KCTD3: variants seen among roughly 807,000 people sequenced by gnomAD.
KCTD3 encodes potassium channel tetramerization domain containing 3.
In KCTD3, 41 loss-of-function variants were observed where a neutral mutation model predicts 85.8. The observed-to-expected ratio is 0.48, with a 90% confidence interval of 0.37 to 0.62. The LOEUF (loss-of-function observed/expected upper bound fraction) is 0.62. KCTD3 is among the 20% of genes least tolerant of loss of function. KCTD3 has a pLI of 0.00. For synonymous variants in KCTD3, 338 were observed against 345.4 expected (o/e 0.98, Z 0.24); for missense variants, 724 against 989.9 (o/e 0.73, Z 3.60).
rs1030954272 is a variant in KCTD3 at position 215,587,319 on chromosome 1, A to G, written c.817+634A>G. 4.6e-5 allele frequency among the ~76,000 whole-genome samples: 7 copies of G among 151,758 alleles called. No individual in the cohort carries two copies. In the East Asian group the frequency reaches 1.4e-3, roughly 29 times the overall value. On this transcript the variant is annotated intron_variant, in intron 9 of 17. Coordinates refer to ENST00000259154, the MANE Select transcript of KCTD3 (RefSeq NM_016121.5). ...TAATTTTTTTGTGTTTTTAATAGAG[A>G]TGGGTTTCACCATGTTAGCCAGGAT...
chr1:215,620,080 C>T lies in KCTD3; in HGVS notation c.1910C>T (p.Thr637Ile), dbSNP rs1558248637. ...AGCCTTCAGCTTCAGCACCATGATA[C>T]CACCCATGAAGCAGCTACTTACGGT... is the stretch of plus-strand genomic sequence containing the variant. Reference protein sequence around the residue: ...NSSLQLQHHDTTHEAATYGSM... With the variant: ...NSSLQLQHHDITHEAATYGSM... Residue 637 changes from threonine to isoleucine, a missense_variant, in exon 18 of 18, where the codon ACC (threonine) becomes ATC (isoleucine). By Grantham distance (89) the Thr-to-Ile change is moderately conservative. This residue lies in a region of KCTD3 where 222 missense variants were observed against 217.7 expected (regional missense o/e 1.02). Transcript: ENST00000259154. 1.3e-6 allele frequency: 2 copies of T among 1,597,184 alleles called. No individual in the cohort carries two copies.
chr1:215,577,180 A>G (rs1024909526), intron 4 of KCTD3, among the ~76,000 whole-genome samples: 2 of 151,496 alleles, frequency 1.3e-5, no homozygotes, highest in African/African-American at 4.9e-5. Flanking sequence ...TTTATTACAT[A>G]ACTATTTTAT....
chr1:215,571,081 C>A (rs762508782), intron 1 of KCTD3, among the ~76,000 whole-genome samples: 7 of 152,136 alleles, frequency 4.6e-5, no homozygotes, highest in African/African-American at 1.7e-4. Flanking sequence ...TGATTTTAAG[C>A]AGACCTTTGT....
intron 1 of KCTD3, 126 bp from the exon 2 acceptor site, chr1:215,573,660 A>T: frequency 1.8e-6 from 1 of 568,286 alleles, no homozygotes; most frequent in East Asian, 2.9e-5. Context: ...TGTAATAAAT[A>T]TATTGGTACA....
At chr1:215,604,830 T>G (rs1311648760) in intron 13 of KCTD3, among the ~76,000 whole-genome samples, 6 of 151,954 alleles carry the variant, frequency 3.9e-5, no homozygotes, top group Non-Finnish European at 5.9e-5. Flanking sequence ...TTTGATATTT[T>G]GTCATCTCAA....
At chr1:215,578,159 G>C in intron 6 of KCTD3, 78 bp downstream of exon 6, 1 of 1,142,706 alleles carries the variant, frequency 8.8e-7, no homozygotes, top group African/African-American at 1.5e-5. Flanking sequence ...AGGAAAAACT[G>C]CTCCTTGATT....
chr1:215,618,909 A>G lies in KCTD3; in HGVS notation c.1586A>G (p.Asp529Gly). The change falls in exon 16 of 18, where the codon GAC becomes GGC. Residue 529 changes from aspartate to glycine, a missense_variant. Asp to Gly is a moderately conservative substitution (Grantham distance 94). Coordinates refer to ENST00000259154, the MANE Select transcript of KCTD3 (RefSeq NM_016121.5). The stretch of plus-strand genomic sequence containing the variant: ...AGAATATGTGAGATCCAGGCTGTTG[A>G]CTGTACTACAATATCCTCATTTACA... ...GKRICEIQAV[D>G]CTTISSFTVR... The G allele has an allele frequency of 6.2e-7, 1 of 1,608,810 alleles. No individual in the cohort carries two copies. Among genetic ancestry groups the G allele is most frequent in the Non-Finnish European group, 8.5e-7 (1 of 1,178,754 alleles).
At chr1:215,586,358 A>G in intron 8 of KCTD3, 137 bp from the exon 9 acceptor site, 1 of 674,998 alleles carries the variant, frequency 1.5e-6, no homozygotes. Context: ...TTTTATTTGT[A>G]ATAGGAAGGT....
intron 9 of KCTD3, among the ~76,000 whole-genome samples, chr1:215,587,873 ATGT>A (rs1324291213): frequency 2.0e-5 from 3 of 152,142 alleles, no homozygotes; most frequent in Non-Finnish European, 4.4e-5. Flanking sequence ...CTTTTATAAG[ATGT>A]TGGGCATTTG....
intron 7 of KCTD3, 23 bp from the exon 8 acceptor site, chr1:215,579,886 A>T: frequency 6.4e-7 from 1 of 1,563,882 alleles, no homozygotes; most frequent in Non-Finnish European, 8.8e-7. Flanking sequence ...AATGTAAAAT[A>T]TTTCTTTTTC....
rs149918874 is a variant in KCTD3, at chr1:215,612,926, C to T, written c.1562+1005C>T. On this transcript the variant is annotated intron_variant, in intron 15 of 17. Transcript: ENST00000259154. ...CTCTGCATTAAACAAATTTTTTTGA[C>T]GATGAGAACACATGGACACATGGAA... is the stretch of plus-strand genomic sequence containing the variant. Among the ~76,000 whole-genome samples, 8 of 152,000 alleles carry T rather than the reference C, an allele frequency of 5.3e-5. No homozygotes were observed. The East Asian group carries it at 7.7e-4, about 15-fold the overall frequency.
At chr1:215,567,854 C>T in intron 1 of KCTD3, 86 bp downstream of exon 1, 6 of 941,226 alleles carry the variant, frequency 6.4e-6, no homozygotes, top group Non-Finnish European at 6.9e-6. Context: ...GTCGCAGGAA[C>T]GAGGGCGAGC....
chr1:215,578,210 A>G, intron 6 of KCTD3, 129 bp downstream of exon 6: 1 of 769,370 alleles, frequency 1.3e-6, no homozygotes. Flanking sequence ...AATGGTAAGA[A>G]CTTTTGATTT....
intron 8 of KCTD3, among the ~76,000 whole-genome samples, chr1:215,585,417 A>G (rs563059145): frequency 5.9e-5 from 9 of 152,296 alleles, no homozygotes; most frequent in Admixed American, 3.3e-4. Context: ...ATTACTTGGC[A>G]TACATATTTA....
intron 10 of KCTD3, among the ~76,000 whole-genome samples, chr1:215,598,105 A>G (rs1654679516): frequency 6.6e-6 from 1 of 152,098 alleles, no homozygotes; most frequent in African/African-American, 2.4e-5. Context: ...CTTTCATACC[A>G]CATACCAAAG....
chr1:215,595,309 TA>T, intron 9 of KCTD3, 46 bp from the exon 10 acceptor site: 2 of 1,167,088 alleles, frequency 1.7e-6, no homozygotes, highest in Non-Finnish European at 2.6e-6. Flanking sequence ...TGATTAATTC[TA>T]AAAATGGTGA....
intron 5 of KCTD3, 76 bp from the exon 6 acceptor site, chr1:215,577,925 C>G (rs1344479757): frequency 6.4e-7 from 1 of 1,566,136 alleles, no homozygotes; most frequent in African/African-American, 1.4e-5. Context: ...TCCTCTTGAA[C>G]TAGAGAAAAT....
intron 12 of KCTD3, among the ~76,000 whole-genome samples, chr1:215,603,295 GC>G (rs1654902119): frequency 6.6e-6 from 1 of 152,034 alleles, no homozygotes; most frequent in African/African-American, 2.4e-5. Flanking sequence ...TTCATGACAT[GC>G]TTTTTTTCCT....
chr1:215,620,395 C>A lies in KCTD3; in HGVS notation c.2225C>A (p.Ser742Ter). Reference sequence around the variant, plus strand: ...GGTTTTTCAGAATCCAAGAAAAGGTCATCAGAAGATGAAAATGAAAATAAA... The same window carrying A: ...GGTTTTTCAGAATCCAAGAAAAGGTAATCAGAAGATGAAAATGAAAATAAA... ...AEGFSESKKR[S>*]SEDENENKIE... Residue 742 changes from serine to a stop codon, truncating the protein, a stop_gained, in exon 18 of 18, where the codon TCA (serine) becomes TAA (stop). Transcript: ENST00000259154. LOFTEE classifies it low-confidence loss of function (END_TRUNC). The A allele has an allele frequency of 6.2e-7, 1 of 1,612,592 alleles. No homozygotes were observed. Among genetic ancestry groups the A allele is most frequent in the South Asian group, 1.1e-5 (1 of 90,884 alleles).
Sources: allele counts gnomAD v4.1 joint callset (sites outside exome capture counted in the v4.1 genomes callset), GRCh38; gene constraint gnomAD v4.1.1; regional missense constraint gnomAD v4.1.1; transcripts MANE v1.5; gene names NCBI Gene and HGNC (gene_info 2026-07-23, HGNC 2026-07-21).